The following PDGFA variants were observed in gnomAD, a reference collection of about 807,000 sequenced individuals.
PDGFA encodes the protein platelet derived growth factor subunit A.
PDGFA carries 9 observed loss-of-function variants against 25.6 expected under a neutral mutation model. The ratio of observed to expected loss-of-function variants is 0.35; its 90% CI spans 0.21 to 0.61. The LOEUF (loss-of-function observed/expected upper bound fraction) is 0.61, where lower values mean the gene tolerates loss of function less well. Among genes scored for constraint, PDGFA ranks in the 20% least tolerant of loss-of-function variants. PDGFA has a pLI of 0.75. For synonymous variants in PDGFA, 133 were observed against 111.8 expected (o/e 1.19, Z -1.20); for missense variants, 242 against 272.8 (o/e 0.89, Z 0.79).
Position 500,275 on chromosome 7 carries a change from G to A in PDGFA, c.580+841C>T, listed in dbSNP as rs962527523. Among the ~76,000 whole-genome samples the A allele has an allele frequency of 3.3e-5, 5 of 152,204 alleles. No homozygotes were observed. The highest frequency in any genetic ancestry group is 1.2e-4 in the African/African-American group (5 of 41,450). On this transcript the variant is annotated intron_variant, in intron 5 of 5. Coordinates refer to ENST00000402802, the Ensembl canonical transcript of PDGFA. This position sits in a 1 kb window ranked among gnomAD's most constrained non-coding sequence, Gnocchi z 5.0. ...GTTCTGCGAGGCAGGAGCGGACGGG[G>A]AGCAAGGAGACCCAAGCCCAGCAGA...
rs561070817 is a variant in PDGFA at position 517,372 on chromosome 7, G to A, written c.160+22C>T. 3.1e-4 allele frequency: 389 copies of A among 1,260,948 alleles called. 1 individual carries two copies. In the African/African-American group the frequency reaches 4.3e-3, roughly 14 times the overall value. The allele number at this position is 1,260,948 out of a possible 1,614,324, so 78.1% of individuals were successfully genotyped here. ...GCCCGCCCGCGCCCTCCCCGCGCGC[G>A]GAGGGAAGGGGCGCGATTTACCTAC... On this transcript the variant is annotated intron_variant, in intron 2 of 5. Transcript: ENST00000402802. The surrounding 1 kb of genome is among the most constrained non-coding windows in gnomAD (Gnocchi z 7.4).
Position 500,738 on chromosome 7 carries a change from C to T in PDGFA, c.580+378G>A. 1 of 1,437,968 alleles carries T rather than the reference C, an allele frequency of 7.0e-7. No homozygotes were observed. The highest frequency in any genetic ancestry group is 1.5e-5 in the South Asian group (1 of 68,078). 89.1% of individuals were successfully genotyped at this position (1,437,968 alleles called of 1,614,324 possible). A position where few individuals can be genotyped will look rare whatever the true frequency, so the allele number is the denominator to read the frequency against. On this transcript the variant is annotated intron_variant, in intron 5 of 5. Transcript: ENST00000402802. The surrounding 1 kb of genome is among the most constrained non-coding windows in gnomAD (Gnocchi z 5.0). ...GGGTGAAGGAGAGACCCCAGCCAGC[C>T]AGGGCAACTGCAGTCCTCGAACCTG...
chr7:518,687 C>G lies in PDGFA; in HGVS notation c.63+252G>C, dbSNP rs543279004. Among the ~76,000 whole-genome samples the G allele has an allele frequency of 1.1e-4, 17 of 152,278 alleles. No individual in the cohort carries two copies. The South Asian group carries it at 1.7e-3, about 15-fold the overall frequency. ...TTCCCCGGAGAGGACACTGCGCCCCCCGAAGTTTCTGCCCACTCGTCCACC... is the reference window on the plus strand; with the variant it reads ...TTCCCCGGAGAGGACACTGCGCCCCGCGAAGTTTCTGCCCACTCGTCCACC... On this transcript the variant is annotated intron_variant, in intron 1 of 5. Transcript: ENST00000402802.
intron 4 of PDGFA, among the ~76,000 whole-genome samples, chr7:504,073 C>T (rs1782461447): frequency 6.6e-6 from 1 of 152,166 alleles, no homozygotes; most frequent in African/African-American, 2.4e-5. Flanking sequence ...CCAATCACAC[C>T]CACCCAGGAG....
chr7:497,780 T>G (rs984325306), exon 6 of PDGFA: 1 of 149,788 alleles, frequency 6.7e-6, no homozygotes, highest in Non-Finnish European at 1.5e-5. Context: ...CTCATTAGTT[T>G]GCATCTTGCT....
In PDGFA at chr7:511,996, C is replaced by T. The variant is rs185947678; in HGVS notation, c.265+355G>A. On this transcript the variant is annotated intron_variant, in intron 3 of 5. Coordinates refer to ENST00000402802, the Ensembl canonical transcript of PDGFA. ...CACACTGCGAATTGGAAATTAGGCG[C>T]GACCACGTTTCCGGCAAGGCTCCTG... is the stretch of plus-strand genomic sequence containing the variant. Among the ~76,000 whole-genome samples, 15 of 152,336 alleles carry T rather than the reference C, an allele frequency of 9.8e-5. No homozygotes were observed. The East Asian group carries it at 2.7e-3, about 27-fold the overall frequency.
intron 5 of PDGFA, 132 bp from the exon 6 acceptor site, chr7:498,706 T>A (rs1436629333): frequency 7.2e-6 from 6 of 831,220 alleles, no homozygotes; most frequent in Non-Finnish European, 1.2e-5. Context: ...GATTTCAAGT[T>A]TTCAAGAAAT....
At chr7:503,363 G>T (rs1782430499) in intron 4 of PDGFA, among the ~76,000 whole-genome samples, 1 of 152,150 alleles carries the variant, frequency 6.6e-6, no homozygotes, top group African/African-American at 2.4e-5. Context: ...ACCCCTCACG[G>T]TTCATGGGGA....
At chr7:509,163 C>A (rs143128607) in intron 4 of PDGFA, among the ~76,000 whole-genome samples, 2 of 152,160 alleles carry the variant, frequency 1.3e-5, no homozygotes, top group African/African-American at 4.8e-5. Context: ...CCTCCCCCAG[C>A]GCAACCCCAG....
intron 4 of PDGFA, 81 bp from the exon 5 acceptor site, chr7:501,323 C>G: frequency 6.3e-7 from 1 of 1,576,918 alleles, no homozygotes; most frequent in Non-Finnish European, 8.7e-7. Flanking sequence ...CGGGGACAGG[C>G]TGAGAGGGAG....
At chr7:511,889 T>G (rs1782867654) in intron 3 of PDGFA, among the ~76,000 whole-genome samples, 1 of 151,576 alleles carries the variant, frequency 6.6e-6, no homozygotes, top group Non-Finnish European at 1.5e-5. Context: ...CACACGGGTG[T>G]GGTGAGGGTG....
intron 4 of PDGFA, among the ~76,000 whole-genome samples, chr7:508,588 A>AAAAAAAAAAAAAAAAAAAC (rs1782669172): frequency 6.8e-6 from 1 of 146,766 alleles, no homozygotes; most frequent in African/African-American, 2.6e-5. Context: ...AAAAAAAAAA[A>AAAAAAAAAAAAAAAAAAAC]TTCTCAGCTG....
chr7:512,750 G>A, intron 2 of PDGFA: 1 of 1,064,732 alleles, frequency 9.4e-7, no homozygotes, highest in East Asian at 4.4e-5. Context: ...CGGGGAAGAG[G>A]TTGCAGGTGG....
At chr7:508,001 G>A (rs572040790) in intron 4 of PDGFA, among the ~76,000 whole-genome samples, 51 of 152,270 alleles carry the variant, frequency 3.3e-4, no homozygotes, top group African/African-American at 1.2e-3. Flanking sequence ...TGGAGATCCC[G>A]GGTAGTAAGA....
rs113852699 is a variant in PDGFA at position 509,094 on chromosome 7, T to C, written c.453+1715A>G. 3.8e-3 allele frequency among the ~76,000 whole-genome samples: 574 copies of C among 152,162 alleles called. 3 individuals are homozygous for C. Among genetic ancestry groups the C allele is most frequent in the African/African-American group, 0.013 (538 of 41,522 alleles). ...AAAGCAGGGAGAAGGGGCCCAGCCA[T>C]GAGCCCCAGGGCCTCAGCAACGCAA... is the stretch of plus-strand genomic sequence containing the variant. On this transcript the variant is annotated intron_variant, in intron 4 of 5. Coordinates refer to ENST00000402802, the Ensembl canonical transcript of PDGFA.
At chr7:515,384 G>A (rs567521648) in intron 2 of PDGFA, among the ~76,000 whole-genome samples, 27 of 152,308 alleles carry the variant, frequency 1.8e-4, no homozygotes, top group African/African-American at 6.3e-4. Flanking sequence ...CTACGACAGA[G>A]AACGGGAGTT....
intron 4 of PDGFA, among the ~76,000 whole-genome samples, chr7:506,429 C>A (rs1782569938): frequency 6.6e-6 from 1 of 152,098 alleles, no homozygotes. Flanking sequence ...CCTAGAGACT[C>A]CTGCACCAGA....
At chr7:499,632 T>C (rs1782236114) in intron 5 of PDGFA, among the ~76,000 whole-genome samples, 1 of 141,264 alleles carries the variant, frequency 7.1e-6, no homozygotes, top group Non-Finnish European at 1.5e-5. Context: ...CCAAGCTCCC[T>C]TGCAGTGGAG....
chr7:519,054 G>T, exon 1 of PDGFA: 2 of 1,397,328 alleles, frequency 1.4e-6, no homozygotes, highest in Non-Finnish European at 1.9e-6. Context: ...CGGGGCGGGC[G>T]CTCCAGCCGG....
Sources: gnomAD v4.1 joint callset for allele counts (sites outside exome capture counted in the v4.1 genomes callset) on GRCh38, gnomAD v4.1.1 for gene constraint, Gnocchi (gnomAD v3.1) non-coding constraint, MANE v1.5 for transcripts, NCBI Gene and HGNC (gene_info 2026-07-23, HGNC 2026-07-21) for gene names.